The following SLC35F3 variants were observed in gnomAD, a reference collection of about 807,000 sequenced individuals.
SLC35F3 encodes the protein putative thiamine transporter SLC35F3.
In SLC35F3, 25 loss-of-function variants were observed where a neutral mutation model predicts 49.9. The ratio of observed to expected loss-of-function variants is 0.50; its 90% CI spans 0.37 to 0.70. The LOEUF (loss-of-function observed/expected upper bound fraction) is 0.70, where lower values mean the gene tolerates loss of function less well. Ranked by LOEUF, SLC35F3 falls within the 30% of genes least tolerant of loss-of-function variation. The probability of loss-of-function intolerance (pLI) is 0.00; values close to 1 mark genes in which losing one functional copy is unlikely to be tolerated. For synonymous variants in SLC35F3, 275 were observed against 265.4 expected, an observed-to-expected ratio of 1.04 and a Z score of -0.35; for missense variants, 525 against 639.8, an observed-to-expected ratio of 0.82 and a Z score of 1.94.
chr1:234,249,729 G>C (rs773615660), intron 3 of SLC35F3, among the ~76,000 whole-genome samples: 1 of 152,232 alleles, frequency 6.6e-6, no homozygotes, highest in Non-Finnish European at 1.5e-5. Context: ...CACCATTATC[G>C]TTCATGGGTG....
At chr1:234,206,569 T>C (rs1407952390) in intron 2 of SLC35F3, among the ~76,000 whole-genome samples, 2 of 151,892 alleles carry the variant, frequency 1.3e-5, no homozygotes. Flanking sequence ...CCTGGAAAAG[T>C]CCTGCTTATT....
intron 2 of SLC35F3, among the ~76,000 whole-genome samples, chr1:234,148,027 AG>A (rs1441395087): frequency 2.6e-5 from 4 of 152,192 alleles, no homozygotes; most frequent in African/African-American, 9.7e-5. Context: ...AACGGCAAGA[AG>A]GGGAGAGAAA....
chr1:234,143,478 C>T (rs747074305), intron 2 of SLC35F3, among the ~76,000 whole-genome samples: 4 of 151,752 alleles, frequency 2.6e-5, no homozygotes, highest in African/African-American at 7.3e-5. Flanking sequence ...TTAGTAGAGA[C>T]GGGGATTCAC....
At chr1:234,302,162 G>GT (rs1441418100) in intron 3 of SLC35F3, among the ~76,000 whole-genome samples, 1 of 151,584 alleles carries the variant, frequency 6.6e-6, no homozygotes, top group East Asian at 1.9e-4. Flanking sequence ...GGTTGTTGTT[G>GT]TTGTTGTTTT....
At chr1:234,093,885 A>G (rs1012995363) in intron 2 of SLC35F3, among the ~76,000 whole-genome samples, 1 of 152,218 alleles carries the variant, frequency 6.6e-6, no homozygotes, top group Non-Finnish European at 1.5e-5. Context: ...GGCAAGAAAA[A>G]CTGGAACACT....
chr1:234,136,436 T>G (rs1188856300), intron 2 of SLC35F3, among the ~76,000 whole-genome samples: 1 of 151,900 alleles, frequency 6.6e-6, no homozygotes, highest in African/African-American at 2.4e-5. Flanking sequence ...GCTGTGAACT[T>G]CTGGGCTCAA....
At chr1:234,041,020 C>T (rs1664212060) in intron 2 of SLC35F3, among the ~76,000 whole-genome samples, 1 of 152,142 alleles carries the variant, frequency 6.6e-6, no homozygotes, top group African/African-American at 2.4e-5. Flanking sequence ...TGGGTAGAAA[C>T]ACATGTGCTA....
intron 3 of SLC35F3, among the ~76,000 whole-genome samples, chr1:234,278,649 A>G (rs192006681): frequency 7.9e-5 from 12 of 152,328 alleles, no homozygotes; most frequent in African/African-American, 2.6e-4. Flanking sequence ...TTTGACAACA[A>G]ATATGTACTT....
intron 3 of SLC35F3, among the ~76,000 whole-genome samples, chr1:234,252,748 T>A (rs972144451): frequency 1.3e-5 from 2 of 152,196 alleles, no homozygotes; most frequent in African/African-American, 2.4e-5. Flanking sequence ...AGAAAACAAG[T>A]ACTTAATACA....
intron 2 of SLC35F3, among the ~76,000 whole-genome samples, chr1:234,135,012 G>A (rs1384734351): frequency 2.6e-5 from 4 of 152,136 alleles, no homozygotes; most frequent in Non-Finnish European, 5.9e-5. Flanking sequence ...GAGCCACCAC[G>A]CCCAGCCAGC....
At chr1:234,249,663 C>G (rs1286356647) in intron 3 of SLC35F3, among the ~76,000 whole-genome samples, 3 of 152,110 alleles carry the variant, frequency 2.0e-5, no homozygotes, top group Non-Finnish European at 4.4e-5. Flanking sequence ...AATTGGGTCC[C>G]CAAAATTATG....
At chr1:234,008,159 T>TC (rs11394835) in intron 2 of SLC35F3, among the ~76,000 whole-genome samples, 104,754 of 151,966 alleles carry the variant, frequency 0.69, 36,269 homozygotes, top group African/African-American at 0.73. Context: ...ACTCATCTAT[T>TC]AGATTCTTCT....
rs536213615 is a variant in SLC35F3 at position 234,002,958 on chromosome 1, A to G, written c.283+97200A>G. On this transcript the variant is annotated intron_variant, in intron 2 of 7. Transcript: ENST00000366618. ...CTACTAGCCACTCTTTCAGTTGGCT[A>G]CTATGTTCCTTTGACATACCTCCAT... Among the ~76,000 whole-genome samples, 14 of 152,292 alleles carry G rather than the reference A, an allele frequency of 9.2e-5. No individual in the cohort carries two copies. The South Asian group carries it at 2.9e-3, about 32-fold the overall frequency.
At chr1:234,181,675 G>A (rs961249064) in intron 2 of SLC35F3, among the ~76,000 whole-genome samples, 1 of 151,838 alleles carries the variant, frequency 6.6e-6, no homozygotes, top group African/African-American at 2.4e-5. Flanking sequence ...GCATCTCTGT[G>A]GTGTCATTTA....
chr1:234,246,637 G>C (rs1434109801), intron 3 of SLC35F3, among the ~76,000 whole-genome samples: 1 of 152,180 alleles, frequency 6.6e-6, no homozygotes, highest in African/African-American at 2.4e-5. Context: ...TAGTGCCCAA[G>C]AAGTACAGTA....
intron 3 of SLC35F3, among the ~76,000 whole-genome samples, chr1:234,281,011 C>T (rs1159349212): frequency 1.3e-5 from 2 of 152,096 alleles, no homozygotes; most frequent in Non-Finnish European, 2.9e-5. Context: ...TTCCTAAAGG[C>T]GGGAGTCAGC....
At chr1:234,252,612 A>G (rs1171826121) in intron 3 of SLC35F3, among the ~76,000 whole-genome samples, 1 of 152,220 alleles carries the variant, frequency 6.6e-6, no homozygotes, top group African/African-American at 2.4e-5. Flanking sequence ...ACTCAAATAC[A>G]TATGAAAAGA....
intron 2 of SLC35F3, among the ~76,000 whole-genome samples, chr1:234,054,202 G>A (rs1664422517): frequency 6.6e-6 from 1 of 152,160 alleles, no homozygotes; most frequent in South Asian, 2.1e-4. Context: ...TGCTAGGTTG[G>A]GGAAGTTCTC....
chr1:234,203,405 T>A (rs1331675475), intron 2 of SLC35F3, among the ~76,000 whole-genome samples: 1 of 152,228 alleles, frequency 6.6e-6, no homozygotes, highest in African/African-American at 2.4e-5. Context: ...CCCTTTAAAC[T>A]ATTCTTAAGC....
Sources: allele counts gnomAD v4.1 joint callset (sites outside exome capture counted in the v4.1 genomes callset), GRCh38; gene constraint gnomAD v4.1.1; transcripts MANE v1.5; gene names NCBI Gene and HGNC (gene_info 2026-07-23, HGNC 2026-07-21).